Variants in CNTN3 observed in about 807,000 individuals in gnomAD.
CNTN3 encodes the protein contactin 3, also known as contactin-3.
A neutral mutation model predicts 119.1 loss-of-function variants in CNTN3; 60 were observed. The observed-to-expected ratio is 0.50, with a 90% CI of 0.41 to 0.62. The LOEUF (loss-of-function observed/expected upper bound fraction) is 0.62, where lower values mean the gene tolerates loss of function less well. Ranked by LOEUF, CNTN3 falls within the 20% of genes least tolerant of loss-of-function variation. The pLI is 0.00. For synonymous variants in CNTN3, 450 were observed against 438.7 expected (o/e 1.03, Z -0.32); for missense variants, 1,101 against 1,242.4 (o/e 0.89, Z 1.71).
intron 4 of CNTN3, among the ~76,000 whole-genome samples, chr3:74,482,286 TAA>T (rs1702776633): frequency 2.0e-5 from 3 of 151,926 alleles, no homozygotes; most frequent in African/African-American, 7.2e-5. Context: ...AACTTGAAAC[TAA>T]CCCAGGAATA....
intron 1 of CNTN3, among the ~76,000 whole-genome samples, chr3:74,609,504 A>G (rs554158769): frequency 2.0e-5 from 3 of 152,346 alleles, no homozygotes; most frequent in African/African-American, 4.8e-5. Flanking sequence ...GATGACCCCA[A>G]TGATAGCTAA....
chr3:74,369,802 A>G, intron 7 of CNTN3, 87 bp downstream of exon 7: 1 of 692,044 alleles, frequency 1.4e-6, no homozygotes, highest in East Asian at 3.1e-5. Flanking sequence ...TTTAGAAAAT[A>G]AAAAAGAAGA....
chr3:74,341,815 A>G (rs1703555789), intron 11 of CNTN3, among the ~76,000 whole-genome samples: 1 of 152,156 alleles, frequency 6.6e-6, no homozygotes, highest in South Asian at 2.1e-4. Flanking sequence ...TAGAATGGAA[A>G]AAGTCTAAAG....
At chr3:74,510,514 C>T (rs574019770) in intron 2 of CNTN3, among the ~76,000 whole-genome samples, 1 of 152,136 alleles carries the variant, frequency 6.6e-6, no homozygotes, top group South Asian at 2.1e-4. Context: ...CTTTTGCAAA[C>T]CTCAGAGTGC....
At chr3:74,395,949 TA>T (rs2106838860) in intron 5 of CNTN3, among the ~76,000 whole-genome samples, 1 of 152,350 alleles carries the variant, frequency 6.6e-6, no homozygotes, top group South Asian at 2.1e-4. Flanking sequence ...TCTTTGATGT[TA>T]CTATTGTAAT....
intron 20 of CNTN3, among the ~76,000 whole-genome samples, chr3:74,269,053 A>G (rs1309743320): frequency 2.0e-5 from 3 of 151,760 alleles, no homozygotes; most frequent in Non-Finnish European, 4.4e-5. Flanking sequence ...AAAAAGAAAA[A>G]AAAAAAACAA....
Position 74,270,159 on chromosome 3 carries a change from C to T in CNTN3, c.2705-2781G>A, listed in dbSNP as rs114362370. On this transcript the variant is annotated intron_variant, in intron 20 of 22. Transcript: ENST00000263665. ...TCTGCCTAGCTCTCACTGATGTTGG[C>T]GTTGGCTATGGGACTTGTGGTTCCC... 1.4e-3 allele frequency among the ~76,000 whole-genome samples: 212 copies of T among 152,252 alleles called. 3 individuals carry two copies. Among genetic ancestry groups the T allele is most frequent in the African/African-American group, 4.0e-3 (168 of 41,558 alleles).
intron 1 of CNTN3, among the ~76,000 whole-genome samples, chr3:74,530,024 A>G (rs993960999): frequency 2.0e-5 from 3 of 152,034 alleles, no homozygotes; most frequent in African/African-American, 7.2e-5. Flanking sequence ...TCTGTTCCTC[A>G]CCTCATAATC....
chr3:74,610,354 A>G (rs564971858), intron 1 of CNTN3, among the ~76,000 whole-genome samples: 1 of 149,742 alleles, frequency 6.7e-6, no homozygotes, highest in African/African-American at 2.5e-5. Context: ...AAACCCTGTG[A>G]GTTTGTGTGT....
At chr3:74,507,469 T>C (rs1202955311) in intron 2 of CNTN3, among the ~76,000 whole-genome samples, 1 of 151,342 alleles carries the variant, frequency 6.6e-6, no homozygotes, top group Non-Finnish European at 1.5e-5. Flanking sequence ...TATTTTGTAG[T>C]ATTTTACAGC....
intron 11 of CNTN3, among the ~76,000 whole-genome samples, chr3:74,359,383 T>C (rs1704027684): frequency 6.6e-6 from 1 of 152,154 alleles, no homozygotes; most frequent in African/African-American, 2.4e-5. Flanking sequence ...ATTATCTCTA[T>C]ATTATGGAAG....
chr3:74,440,474 A>G (rs1478998609), intron 4 of CNTN3, among the ~76,000 whole-genome samples: 1 of 117,168 alleles, frequency 8.5e-6, no homozygotes, highest in African/African-American at 3.1e-5. Flanking sequence ...AAGCTTAAAA[A>G]GCAAATAGCA....
intron 5 of CNTN3, among the ~76,000 whole-genome samples, chr3:74,371,602 T>C (rs753002889): frequency 4.6e-5 from 7 of 152,164 alleles, no homozygotes; most frequent in Non-Finnish European, 7.4e-5. Context: ...ATTAGCATCC[T>C]GGTGGGAGCA....
chr3:74,594,251 C>T (rs1704753294), intron 1 of CNTN3, among the ~76,000 whole-genome samples: 2 of 148,946 alleles, frequency 1.3e-5, no homozygotes, highest in South Asian at 4.3e-4. Context: ...GGTTAGATAT[C>T]CAAAACTGTA....
At chr3:74,561,816 T>C (rs1184092025) in intron 1 of CNTN3, among the ~76,000 whole-genome samples, 2 of 152,216 alleles carry the variant, frequency 1.3e-5, no homozygotes, top group African/African-American at 2.4e-5. Flanking sequence ...TAGAACTTAA[T>C]AGGTACTTTG....
At chr3:74,453,766 G>T (rs1024642818) in intron 4 of CNTN3, among the ~76,000 whole-genome samples, 1 of 151,188 alleles carries the variant, frequency 6.6e-6, no homozygotes, top group Non-Finnish European at 1.5e-5. Flanking sequence ...CCTTCATTTC[G>T]TTATGTACCC....
chr3:74,474,580 A>C (rs1205193653), intron 4 of CNTN3, among the ~76,000 whole-genome samples: 1 of 152,006 alleles, frequency 6.6e-6, no homozygotes, highest in Non-Finnish European at 1.5e-5. Context: ...TGCAACCTCC[A>C]TCTCCCAAGT....
intron 1 of CNTN3, among the ~76,000 whole-genome samples, chr3:74,554,376 G>C (rs1453112941): frequency 2.0e-5 from 3 of 152,114 alleles, no homozygotes; most frequent in Non-Finnish European, 2.9e-5. Context: ...TGTTCTTCTT[G>C]TCCAGGATTG....
intron 4 of CNTN3, among the ~76,000 whole-genome samples, chr3:74,426,787 CA>C (rs1701702704): frequency 6.6e-6 from 1 of 152,166 alleles, no homozygotes; most frequent in Non-Finnish European, 1.5e-5. Flanking sequence ...GTTAGAACTG[CA>C]AAACTAGACC....
Sources: gnomAD v4.1 joint callset for allele counts (sites outside exome capture counted in the v4.1 genomes callset) on GRCh38, gnomAD v4.1.1 for gene constraint, MANE v1.5 for transcripts, NCBI Gene and HGNC (gene_info 2026-07-23, HGNC 2026-07-21) for gene names.